KIAA1217: variants seen among roughly 807,000 people sequenced by gnomAD.
KIAA1217 encodes the protein KIAA1217.
Under a neutral mutation model 163.9 loss-of-function variants are expected in KIAA1217, and 88 were observed. That is an observed-to-expected ratio of 0.54 (90% CI 0.45 to 0.64). KIAA1217 has a LOEUF of 0.64. Ranked by LOEUF, KIAA1217 falls within the 30% of genes least tolerant of loss-of-function variation. The probability of loss-of-function intolerance (pLI) is 0.00; values close to 1 mark genes in which losing one functional copy is unlikely to be tolerated. For synonymous variants in KIAA1217, 903 were observed against 923.1 expected (o/e 0.98, Z 0.39); for missense variants, 2,372 against 2,475.0 (o/e 0.96, Z 0.88).
chr10:24,370,765 T>C (rs1229431008), intron 2 of KIAA1217, among the ~76,000 whole-genome samples: 1 of 152,126 alleles, frequency 6.6e-6, no homozygotes, highest in Non-Finnish European at 1.5e-5. Flanking sequence ...ATGTTGGTTT[T>C]TTGTAGAGAT....
chr10:23,732,919 A>G (rs12768823), intron 1 of KIAA1217, among the ~76,000 whole-genome samples: 27,503 of 152,092 alleles, frequency 0.18, 2,624 homozygotes, highest in Middle Eastern at 0.26. Context: ...ATGCCTTTAC[A>G]TCATACTTTG....
intron 2 of KIAA1217, among the ~76,000 whole-genome samples, chr10:24,253,270 T>A (rs2074762693): frequency 6.6e-6 from 1 of 152,174 alleles, no homozygotes; most frequent in African/African-American, 2.4e-5. Flanking sequence ...GTGCAAGCAC[T>A]ATTATTCATG....
At chr10:23,892,176 C>A (rs778358520) in intron 1 of KIAA1217, among the ~76,000 whole-genome samples, 1 of 151,678 alleles carries the variant, frequency 6.6e-6, no homozygotes, top group South Asian at 2.1e-4. Flanking sequence ...TTTCAACAAA[C>A]CATTAATCAA....
chr10:24,090,793 T>G (rs1453738439), intron 2 of KIAA1217, among the ~76,000 whole-genome samples: 4 of 151,860 alleles, frequency 2.6e-5, no homozygotes, highest in Non-Finnish European at 5.9e-5. Context: ...TAGAATAAAT[T>G]TCTCAAAAGG....
At chr10:24,545,490 G>A in intron 20 of KIAA1217, 1 of 1,279,450 alleles carries the variant, frequency 7.8e-7, no homozygotes, top group Non-Finnish European at 9.9e-7. Flanking sequence ...TGTGTTAGAA[G>A]CACATTAACA....
At chr10:24,232,055 A>T (rs2071487799) in intron 2 of KIAA1217, among the ~76,000 whole-genome samples, 1 of 152,178 alleles carries the variant, frequency 6.6e-6, no homozygotes, top group South Asian at 2.1e-4. Flanking sequence ...CTGGATTCCC[A>T]AAGTGTTGGG....
intron 1 of KIAA1217, among the ~76,000 whole-genome samples, chr10:23,719,310 G>A (rs959569800): frequency 3.9e-5 from 6 of 152,198 alleles, no homozygotes; most frequent in African/African-American, 1.2e-4. Context: ...TCCGGGTGCC[G>A]TGGCTCATGC....
chr10:23,745,004 A>C (rs1839318465), intron 1 of KIAA1217, among the ~76,000 whole-genome samples: 1 of 151,962 alleles, frequency 6.6e-6, no homozygotes, highest in South Asian at 2.1e-4. Context: ...AGGATCACCC[A>C]AAAAAAATCC....
chr10:23,908,016 T>A (rs1589053884), intron 1 of KIAA1217, among the ~76,000 whole-genome samples: 1 of 151,898 alleles, frequency 6.6e-6, no homozygotes, highest in South Asian at 2.1e-4. Flanking sequence ...TATTGGGTAA[T>A]CAGATAATGA....
chr10:24,077,184 A>T (rs2061395844), intron 2 of KIAA1217, among the ~76,000 whole-genome samples: 1 of 151,898 alleles, frequency 6.6e-6, no homozygotes, highest in Non-Finnish European at 1.5e-5. Context: ...GCCTATTTCC[A>T]ATTTTTATTT....
chr10:23,964,308 G>C (rs1034305563), intron 1 of KIAA1217, among the ~76,000 whole-genome samples: 1 of 119,750 alleles, frequency 8.4e-6, no homozygotes, highest in African/African-American at 3.1e-5. Flanking sequence ...TTTTTTTTTT[G>C]TAAATTTGTT....
At chr10:24,046,526 G>A (rs1051783298) in intron 2 of KIAA1217, among the ~76,000 whole-genome samples, 4 of 152,156 alleles carry the variant, frequency 2.6e-5, no homozygotes, top group African/African-American at 4.8e-5. Flanking sequence ...GGAAGACGAA[G>A]GAGAAACAAG....
intron 2 of KIAA1217, among the ~76,000 whole-genome samples, chr10:24,122,994 A>G (rs2063338921): frequency 1.3e-5 from 2 of 152,086 alleles, no homozygotes; most frequent in South Asian, 4.1e-4. Flanking sequence ...AAACTTGTAG[A>G]ATAAAATAGA....
intron 5 of KIAA1217, among the ~76,000 whole-genome samples, chr10:24,455,972 G>T (rs1476747070): frequency 5.3e-5 from 8 of 152,014 alleles, no homozygotes; most frequent in African/African-American, 1.9e-4. Flanking sequence ...TGCAACCTCC[G>T]CCTCCCGGGC....
intron 2 of KIAA1217, among the ~76,000 whole-genome samples, chr10:24,224,008 C>G (rs2070080364): frequency 6.6e-6 from 1 of 152,090 alleles, no homozygotes; most frequent in Admixed American, 6.6e-5. Flanking sequence ...TGCAAAACTT[C>G]TGTTTGTCTT....
At chr10:23,970,862 C>T (rs977832098) in intron 1 of KIAA1217, among the ~76,000 whole-genome samples, 2 of 152,204 alleles carry the variant, frequency 1.3e-5, no homozygotes, top group African/African-American at 2.4e-5. Context: ...TCTGCAGCAA[C>T]CTCAGTTCTT....
intron 1 of KIAA1217, among the ~76,000 whole-genome samples, chr10:23,930,014 G>A (rs953086946): frequency 1.1e-4 from 16 of 152,094 alleles, no homozygotes; most frequent in African/African-American, 3.9e-4. Flanking sequence ...TAGTGTATAA[G>A]CATTCTCCTT....
At chr10:24,393,783 G>A (rs755861392) in intron 3 of KIAA1217, among the ~76,000 whole-genome samples, 1 of 152,148 alleles carries the variant, frequency 6.6e-6, no homozygotes. Flanking sequence ...TACAAGCCAG[G>A]GAGAGAGGCT....
chr10:23,755,834 C>T lies in KIAA1217; in HGVS notation c.-321+60600C>T, dbSNP rs76785674. On this transcript the variant is annotated intron_variant, in intron 1 of 18. Transcript: ENST00000376462. ...TCATGTTCAGGATTGTGAACCAGTA[C>T]TTTATTTCACTGATACTTTATTTTA... Among the ~76,000 whole-genome samples, 975 of 152,204 alleles carry T rather than the reference C, an allele frequency of 6.4e-3. 34 individuals carry two copies. The highest frequency in any genetic ancestry group is 0.051 in the East Asian group (265 of 5,156).
Sources: allele counts gnomAD v4.1 joint callset (sites outside exome capture counted in the v4.1 genomes callset), GRCh38; gene constraint gnomAD v4.1.1; transcripts MANE v1.5; gene names NCBI Gene and HGNC (gene_info 2026-07-23, HGNC 2026-07-21).